ZFHX3: variants seen among roughly 807,000 people sequenced by gnomAD.
ZFHX3 encodes zinc finger homeobox protein 3.
Under a neutral mutation model 279.1 loss-of-function variants are expected in ZFHX3, and 42 were observed. The observed-to-expected ratio is 0.15, with a 90% confidence interval of 0.12 to 0.19. The LOEUF (loss-of-function observed/expected upper bound fraction) is 0.19. Ranked by LOEUF, ZFHX3 falls within the 10% of genes least tolerant of loss-of-function variation. ZFHX3 has a pLI of 1.00. For synonymous variants in ZFHX3, 2,293 were observed against 1,957.8 expected (o/e 1.17, Z -4.52); for missense variants, 4,981 against 4,754.0 (o/e 1.05, Z -1.40).
intron 1 of ZFHX3, among the ~76,000 whole-genome samples, chr16:73,689,739 A>G (rs112964017): frequency 4.6e-5 from 7 of 152,314 alleles, no homozygotes; most frequent in African/African-American, 1.7e-4. Flanking sequence ...TTTTCTTAAG[A>G]AACCATGGAA....
intron 4 of ZFHX3, among the ~76,000 whole-genome samples, chr16:73,270,029 C>T (rs887956767): frequency 2.0e-5 from 3 of 152,070 alleles, no homozygotes; most frequent in African/African-American, 7.2e-5. Flanking sequence ...ATTACAGGTA[C>T]GAGCCACCAT....
chr16:73,789,767 C>T (rs1205083093), intron 1 of ZFHX3, among the ~76,000 whole-genome samples: 1 of 152,092 alleles, frequency 6.6e-6, no homozygotes, highest in East Asian at 1.9e-4. Flanking sequence ...ATTTCTCTCT[C>T]TCTCTTTCTA....
intron 1 of ZFHX3, among the ~76,000 whole-genome samples, chr16:73,816,229 A>G (rs1042541974): frequency 6.6e-6 from 1 of 152,218 alleles, no homozygotes; most frequent in Non-Finnish European, 1.5e-5. Context: ...TCATTTGTGC[A>G]GGAGATATTT....
intron 3 of ZFHX3, among the ~76,000 whole-genome samples, chr16:73,352,655 A>G (rs950831998): frequency 5.3e-5 from 8 of 151,790 alleles, no homozygotes; most frequent in African/African-American, 1.9e-4. Context: ...GATTTAAAAA[A>G]GTTTTTTGGG....
At chr16:73,395,274 G>T (rs368112344) in intron 3 of ZFHX3, among the ~76,000 whole-genome samples, 1 of 152,172 alleles carries the variant, frequency 6.6e-6, no homozygotes, top group Non-Finnish European at 1.5e-5. Context: ...GATGAGCCTG[G>T]CCAACATGGA....
At chr16:73,609,288 C>T (rs1347343884) in intron 2 of ZFHX3, 1 of 152,186 alleles carries the variant, frequency 6.6e-6, no homozygotes, top group Non-Finnish European at 1.5e-5. Context: ...TAACCACCTA[C>T]AGAATGTGCA....
chr16:73,086,627 G>C (rs547217195), intron 8 of ZFHX3, among the ~76,000 whole-genome samples: 4 of 152,158 alleles, frequency 2.6e-5, no homozygotes, highest in African/African-American at 7.2e-5. Context: ...CTAGGGCCAG[G>C]CATGGTGGCT....
chr16:73,365,845 G>A (rs111704428), intron 3 of ZFHX3, among the ~76,000 whole-genome samples: 2 of 152,178 alleles, frequency 1.3e-5, no homozygotes, highest in African/African-American at 4.8e-5. Context: ...GTGCAGGCAA[G>A]AGGAATGTTC....
intron 4 of ZFHX3, among the ~76,000 whole-genome samples, chr16:72,833,208 G>C (rs955035966): frequency 6.6e-6 from 1 of 152,208 alleles, no homozygotes; most frequent in Admixed American, 6.5e-5. Flanking sequence ...ATCCCGCTTT[G>C]AAACAGAGAT....
At chr16:73,023,840 T>C (rs1003942923) in intron 1 of ZFHX3, among the ~76,000 whole-genome samples, 8 of 152,138 alleles carry the variant, frequency 5.3e-5, no homozygotes, top group African/African-American at 1.9e-4. Flanking sequence ...AAAGGCCACG[T>C]GGCTCCATCC....
chr16:72,861,297 G>A (rs926858799), intron 4 of ZFHX3, among the ~76,000 whole-genome samples: 5 of 152,186 alleles, frequency 3.3e-5, no homozygotes, highest in Non-Finnish European at 7.3e-5. Context: ...ACTAAGCATC[G>A]GGTGGAAATT....
At chr16:72,821,918 TA>T (rs1235062502) in intron 5 of ZFHX3, 9 of 152,232 alleles carry the variant, frequency 5.9e-5, no homozygotes, top group South Asian at 2.1e-4. Flanking sequence ...GAAACTTGTT[TA>T]TTTTTTTGTT....
At chr16:73,284,530 T>C (rs1241111811) in intron 4 of ZFHX3, among the ~76,000 whole-genome samples, 3 of 152,138 alleles carry the variant, frequency 2.0e-5, no homozygotes, top group African/African-American at 4.8e-5. Flanking sequence ...CAGTAAGTAA[T>C]AGATGAGAGC....
intron 5 of ZFHX3, chr16:72,822,066 TA>T (rs1406496122): frequency 2.0e-5 from 3 of 152,222 alleles, no homozygotes; most frequent in Admixed American, 6.5e-5. Context: ...ACAATCCTAT[TA>T]ACCCATGGAT....
At chr16:73,217,674 G>C (rs545553251) in intron 5 of ZFHX3, among the ~76,000 whole-genome samples, 2 of 152,152 alleles carry the variant, frequency 1.3e-5, no homozygotes, top group Admixed American at 1.3e-4. Flanking sequence ...CCACTCCACG[G>C]GGTTTCAGTC....
At chr16:73,439,534 C>T (rs983396302) in intron 3 of ZFHX3, among the ~76,000 whole-genome samples, 6 of 151,098 alleles carry the variant, frequency 4.0e-5, no homozygotes, top group African/African-American at 1.5e-4. Flanking sequence ...AGCTGCTTAC[C>T]GATGCTACAC....
chr16:73,608,666 T>C (rs1331803998), intron 2 of ZFHX3: 1 of 152,204 alleles, frequency 6.6e-6, no homozygotes, highest in Non-Finnish European at 1.5e-5. Context: ...TGTGATGCGA[T>C]ATTAACTAAT....
At chr16:73,701,882 A>T (rs971970184) in intron 1 of ZFHX3, among the ~76,000 whole-genome samples, 4 of 151,706 alleles carry the variant, frequency 2.6e-5, no homozygotes, top group African/African-American at 9.7e-5. Context: ...TAAAAAAAAA[A>T]GCAGAAGAAA....
At chr16:72,912,455 C>G (rs1422160945) in intron 3 of ZFHX3, among the ~76,000 whole-genome samples, 1 of 151,924 alleles carries the variant, frequency 6.6e-6, no homozygotes, top group Non-Finnish European at 1.5e-5. Context: ...TATGGAAGAG[C>G]CAAAATACAT....
Sources: allele counts gnomAD v4.1 joint callset (sites outside exome capture counted in the v4.1 genomes callset), GRCh38; gene constraint gnomAD v4.1.1; transcripts MANE v1.5; gene names NCBI Gene and HGNC (gene_info 2026-07-23, HGNC 2026-07-21).